Variants in DNM3 observed in about 807,000 individuals in gnomAD.
The protein encoded by DNM3 is dynamin 3.
A neutral mutation model predicts 101.6 loss-of-function variants in DNM3; 47 were observed. The observed-to-expected ratio is 0.46, with a 90% confidence interval of 0.37 to 0.59. The LOEUF (loss-of-function observed/expected upper bound fraction) is 0.59. DNM3 is among the 20% of genes least tolerant of loss of function. The pLI, the probability that DNM3 is intolerant of heterozygous loss-of-function variation, is 0.00. For missense variants in DNM3, 849 were observed against 1,085.7 expected, an observed-to-expected ratio of 0.78 and a Z score of 3.06; for synonymous variants, 385 against 387.9, an observed-to-expected ratio of 0.99 and a Z score of 0.09.
In DNM3 at chr1:172,038,264, A is replaced by G. The variant is rs1320810810; in HGVS notation, c.850-55A>G. 4.4e-6 allele frequency: 7 copies of G among 1,592,648 alleles called. 1 individual carries two copies. The Admixed American group carries it at 1.3e-4, about 29-fold the overall frequency. On this transcript the variant is annotated intron_variant, in intron 6 of 20. Transcript: ENST00000627582. ...ATCTTTGTCTCATGAGTTAATCTTT[A>G]ATCTGTGTATATGATTCAATCTTCA...
intron 17 of DNM3, among the ~76,000 whole-genome samples, chr1:172,336,567 A>T (rs1193633685): frequency 6.6e-6 from 1 of 151,020 alleles, no homozygotes; most frequent in East Asian, 1.9e-4. Context: ...TAAAGTTTTG[A>T]TTCATGTCAT....
intron 11 of DNM3, among the ~76,000 whole-genome samples, chr1:172,079,592 T>G (rs2052966718): frequency 6.6e-6 from 1 of 152,176 alleles, no homozygotes; most frequent in Non-Finnish European, 1.5e-5. Flanking sequence ...AGGAGTTTGT[T>G]ATTACCCACC....
intron 2 of DNM3, among the ~76,000 whole-genome samples, chr1:171,961,187 G>A (rs2043187959): frequency 6.6e-6 from 1 of 152,162 alleles, no homozygotes; most frequent in African/African-American, 2.4e-5. Flanking sequence ...ATGGAGGGAT[G>A]TTGGTACAAG....
chr1:172,184,088 G>C lies in DNM3; in HGVS notation c.1659+52800G>C, dbSNP rs188611478. Among the ~76,000 whole-genome samples, 599 of 152,002 alleles carry C rather than the reference G, an allele frequency of 3.9e-3. 10 individuals are homozygous for C. Among genetic ancestry groups the C allele is most frequent in the African/African-American group, 0.014 (572 of 41,490 alleles). ...CTCAATTTTATTTCTGCAAAGTAGC[G>C]TGAGGATCCCTATCCTGCTCACCTC... On this transcript the variant is annotated intron_variant, in intron 14 of 20. Transcript: ENST00000627582.
chr1:171,863,381 T>A (rs1004622824), intron 1 of DNM3, among the ~76,000 whole-genome samples: 31 of 151,944 alleles, frequency 2.0e-4, no homozygotes, highest in African/African-American at 6.0e-4. Context: ...AGTGATAGCA[T>A]CAGCTGATGG....
At position 172,389,059 on chromosome 1, in the gene DNM3, A is replaced by G. The variant is rs532875424; in HGVS notation, c.2522+250A>G. 105 of 516,514 alleles carry G rather than the reference A, an allele frequency of 2.0e-4. 1 individual carries two copies. Among genetic ancestry groups the G allele is most frequent in the African/African-American group, 1.3e-3 (71 of 52,600 alleles). The allele number at this position is 516,514 out of a possible 1,614,324, so 32.0% of individuals were successfully genotyped here. On this transcript the variant is annotated intron_variant, in intron 20 of 20. Transcript: ENST00000627582. Reference sequence around the variant, plus strand: ...TAGGACTAAAGAACACTCCGTCCCAATGAATGACATTTTGGCAGCTATTGG... The same window carrying G: ...TAGGACTAAAGAACACTCCGTCCCAGTGAATGACATTTTGGCAGCTATTGG...
At chr1:172,091,059 A>G (rs1312305157) in intron 12 of DNM3, among the ~76,000 whole-genome samples, 1 of 152,226 alleles carries the variant, frequency 6.6e-6, no homozygotes, top group Non-Finnish European at 1.5e-5. Flanking sequence ...GGATAGAGTA[A>G]CCTAGTGATG....
At chr1:172,404,494 A>G (rs2070739047) in intron 20 of DNM3, among the ~76,000 whole-genome samples, 1 of 152,062 alleles carries the variant, frequency 6.6e-6, no homozygotes, top group South Asian at 2.1e-4. Context: ...ATTGCCTGCT[A>G]CTATTGTGCT....
intron 1 of DNM3, among the ~76,000 whole-genome samples, chr1:171,869,353 C>G (rs1484341264): frequency 6.6e-6 from 1 of 152,160 alleles, no homozygotes; most frequent in East Asian, 1.9e-4. Context: ...AGCTCAGCCA[C>G]ATAGGATCTT....
In DNM3 at chr1:172,302,982, G is replaced by A. The variant is rs558460617; in HGVS notation, c.1770-5746G>A. 7.2e-4 allele frequency among the ~76,000 whole-genome samples: 110 copies of A among 152,226 alleles called. 1 individual carries two copies. The South Asian group carries it at 0.012, about 17-fold the overall frequency. Reference sequence around the variant, plus strand: ...CCAGAGCACTTTTTCTCCTCCAAAGGATCACAGCTCATCACCAGCAATGGA... The same window carrying A: ...CCAGAGCACTTTTTCTCCTCCAAAGAATCACAGCTCATCACCAGCAATGGA... On this transcript the variant is annotated intron_variant, in intron 15 of 20. Transcript: ENST00000627582.
intron 4 of DNM3, among the ~76,000 whole-genome samples, chr1:172,017,262 T>G (rs1196087097): frequency 6.6e-6 from 1 of 152,148 alleles, no homozygotes; most frequent in African/African-American, 2.4e-5. Flanking sequence ...AATTTGCTCT[T>G]CTTTTTCTAG....
chr1:172,411,404 T>C lies in DNM3; in HGVS notation c.*3563T>C. The stretch of plus-strand genomic sequence containing the variant: ...AAGGAATTACCTTTGACAATATTTT[T>C]CGGTAAGAAGTAAAACCTCTGGAGA... On this transcript the variant is annotated 3_prime_UTR_variant, in exon 21 of 21. Transcript: ENST00000627582. 1.0e-6 allele frequency: 1 copy of C among 985,160 alleles called. No individual in the cohort carries two copies. The highest frequency in any genetic ancestry group is 4.7e-5 in the South Asian group (1 of 21,280). 61.0% of individuals were successfully genotyped at this position (985,160 alleles called of 1,614,324 possible).
chr1:172,333,329 A>G (rs190674039), intron 17 of DNM3, among the ~76,000 whole-genome samples: 4 of 152,330 alleles, frequency 2.6e-5, no homozygotes, highest in East Asian at 1.9e-4. Context: ...ACAAGTGAGT[A>G]TAAGGCACTT....
At chr1:172,129,845 T>C (rs866433020) in intron 13 of DNM3, among the ~76,000 whole-genome samples, 1 of 152,178 alleles carries the variant, frequency 6.6e-6, no homozygotes, top group Non-Finnish European at 1.5e-5. Context: ...TGAGTATTAG[T>C]CTGTTCTTTG....
At chr1:172,037,085 A>G (rs531824795) in intron 6 of DNM3, among the ~76,000 whole-genome samples, 14 of 152,242 alleles carry the variant, frequency 9.2e-5, no homozygotes, top group Non-Finnish European at 1.8e-4. Flanking sequence ...CAAAACCACA[A>G]TGAGATACCA....
intron 17 of DNM3, among the ~76,000 whole-genome samples, chr1:172,368,703 T>C (rs2068159755): frequency 1.3e-5 from 2 of 151,726 alleles, no homozygotes; most frequent in South Asian, 4.1e-4. Flanking sequence ...ATAAACAGAA[T>C]TGACAAACCA....
chr1:171,941,269 T>G (rs953027211), intron 2 of DNM3, among the ~76,000 whole-genome samples: 3 of 152,088 alleles, frequency 2.0e-5, no homozygotes, highest in African/African-American at 7.2e-5. Context: ...GGAAAAAAAT[T>G]TACAAGACAA....
intron 17 of DNM3, among the ~76,000 whole-genome samples, chr1:172,345,893 G>C (rs530401020): frequency 7.9e-5 from 12 of 152,174 alleles, no homozygotes; most frequent in African/African-American, 2.9e-4. Flanking sequence ...TTAGCAGCCG[G>C]GCGGATCACG....
At chr1:172,114,230 G>A (rs982739000) in intron 13 of DNM3, among the ~76,000 whole-genome samples, 3 of 152,156 alleles carry the variant, frequency 2.0e-5, no homozygotes, top group East Asian at 1.9e-4. Flanking sequence ...ATGACAAGTC[G>A]TGGCTAACCA....
Sources: gnomAD v4.1 joint callset for allele counts (sites outside exome capture counted in the v4.1 genomes callset) on GRCh38, gnomAD v4.1.1 for gene constraint, MANE v1.5 for transcripts, NCBI Gene and HGNC (gene_info 2026-07-23, HGNC 2026-07-21) for gene names.